The following CADPS2 variants were observed in gnomAD, a reference collection of about 807,000 sequenced individuals.
The protein encoded by CADPS2 is calcium dependent secretion activator 2, also known as calcium-dependent secretion activator 2.
A neutral mutation model predicts 172.5 loss-of-function variants in CADPS2; 93 were observed. The observed-to-expected ratio is 0.54, with a 90% confidence interval of 0.46 to 0.64. CADPS2 has a LOEUF of 0.64. CADPS2 is among the 30% of genes least tolerant of loss of function. CADPS2 has a pLI of 0.00. For missense variants in CADPS2, 1,420 were observed against 1,565.9 expected, an observed-to-expected ratio of 0.91 and a Z score of 1.57; for synonymous variants, 546 against 555.2, an observed-to-expected ratio of 0.98 and a Z score of 0.23.
chr7:122,435,811 G>C (rs947458881), intron 17 of CADPS2, among the ~76,000 whole-genome samples: 1 of 151,974 alleles, frequency 6.6e-6, no homozygotes, highest in African/African-American at 2.4e-5. Context: ...ACATACAATA[G>C]AATATTATTC....
Position 122,659,472 on chromosome 7 carries a change from C to T in CADPS2, c.786+3765G>A, listed in dbSNP as rs553725732. 9.2e-5 allele frequency among the ~76,000 whole-genome samples: 14 copies of T among 152,106 alleles called. No homozygotes were observed. The East Asian group carries it at 1.2e-3, about 13-fold the overall frequency. ...GAGAAAAAGAGTTGAACAAACAGAA[C>T]GGACATCCCAGGACTGTGGGATAAC... On this transcript the variant is annotated intron_variant, in intron 3 of 29. Transcript: ENST00000449022.
At chr7:122,327,991 G>A (rs990094326) in intron 28 of CADPS2, among the ~76,000 whole-genome samples, 3 of 151,920 alleles carry the variant, frequency 2.0e-5, no homozygotes, top group African/African-American at 7.2e-5. Context: ...CTAAGTCAAA[G>A]CATTTTCAAG....
chr7:122,593,961 T>A (rs544997125), intron 6 of CADPS2, among the ~76,000 whole-genome samples: 3 of 152,090 alleles, frequency 2.0e-5, no homozygotes, highest in Non-Finnish European at 4.4e-5. Flanking sequence ...TTAACCTTCC[T>A]TTAAAACATA....
At chr7:122,791,357 C>A (rs1028278048) in intron 1 of CADPS2, among the ~76,000 whole-genome samples, 1 of 152,050 alleles carries the variant, frequency 6.6e-6, no homozygotes, top group African/African-American at 2.4e-5. Flanking sequence ...TTAAACCTTG[C>A]TACTCTTTTT....
chr7:122,868,569 C>A (rs1024741781), intron 1 of CADPS2, among the ~76,000 whole-genome samples: 12 of 152,120 alleles, frequency 7.9e-5, no homozygotes, highest in Non-Finnish European at 1.8e-4. Flanking sequence ...AATATAGAAT[C>A]CCTGATTGGA....
At chr7:122,872,032 CCT>C (rs1447085409) in intron 1 of CADPS2, among the ~76,000 whole-genome samples, 6 of 152,018 alleles carry the variant, frequency 3.9e-5, no homozygotes, top group Admixed American at 2.0e-4. Flanking sequence ...AAATCTCTCC[CCT>C]GAGCTCCAAA....
chr7:122,460,239 T>A (rs28538086), intron 14 of CADPS2, among the ~76,000 whole-genome samples: 8,954 of 151,694 alleles, frequency 0.059, 647 homozygotes, highest in African/African-American at 0.17. Flanking sequence ...CAGCTCTTAC[T>A]AGAAAGTAAA....
chr7:122,501,198 T>C (rs2059169952), intron 9 of CADPS2, among the ~76,000 whole-genome samples: 1 of 152,090 alleles, frequency 6.6e-6, no homozygotes, highest in Non-Finnish European at 1.5e-5. Flanking sequence ...AAGGTGGCAG[T>C]GAGTCATGTT....
rs543758108 is a variant in CADPS2 at position 122,720,581 on chromosome 7, T to C, written c.453+16374A>G. Among the ~76,000 whole-genome samples the C allele has an allele frequency of 7.3e-5, 11 of 150,356 alleles. No homozygotes were observed. In the South Asian group the frequency reaches 2.1e-3, roughly 28 times the overall value. On this transcript the variant is annotated intron_variant, in intron 2 of 29. Transcript: ENST00000449022. ...GCATGTGTCTGTATATACATACACA[T>C]GTATATGTATATACATACATATATA...
chr7:122,568,082 T>C (rs980500706), intron 7 of CADPS2, among the ~76,000 whole-genome samples: 7 of 151,766 alleles, frequency 4.6e-5, no homozygotes, highest in East Asian at 1.9e-4. Flanking sequence ...ATGGGAAAAA[T>C]AGAACATGCT....
chr7:122,645,457 A>G lies in CADPS2; in HGVS notation c.787-16129T>C, dbSNP rs1157170694. On this transcript the variant is annotated intron_variant, in intron 3 of 29. Coordinates refer to ENST00000449022, the MANE Select transcript of CADPS2 (RefSeq NM_017954.11). Reference sequence around the variant, plus strand: ...TATGTATATATACACACACATATGTATATATGTGTATATATGTATATATAT... The same window carrying G: ...TATGTATATATACACACACATATGTGTATATGTGTATATATGTATATATAT... 3.9e-3 allele frequency among the ~76,000 whole-genome samples: 380 copies of G among 98,368 alleles called. 8 individuals carry two copies. The highest frequency in any genetic ancestry group is 0.012 in the African/African-American group (364 of 30,584). The allele number at this position is 98,368 out of a possible 152,430, so 64.5% of individuals were successfully genotyped here. A position where few individuals can be genotyped will look rare whatever the true frequency, so the allele number is the denominator to read the frequency against.
chr7:122,367,545 T>TTTTG (rs2041100365), intron 25 of CADPS2, among the ~76,000 whole-genome samples: 1 of 67,352 alleles, frequency 1.5e-5, no homozygotes, highest in South Asian at 5.2e-4. Context: ...CCCAGTTTTT[T>TTTTG]TTTTTTTTTT....
At chr7:122,439,931 C>T (rs1373550730) in intron 16 of CADPS2, among the ~76,000 whole-genome samples, 1 of 151,954 alleles carries the variant, frequency 6.6e-6, no homozygotes, top group Non-Finnish European at 1.5e-5. Flanking sequence ...GGTAATATTT[C>T]ATATTATCTG....
chr7:122,442,081 C>G (rs1473108193), intron 15 of CADPS2, among the ~76,000 whole-genome samples: 1 of 152,124 alleles, frequency 6.6e-6, no homozygotes. Flanking sequence ...ACACATAAAC[C>G]CTCTGCAGTT....
At chr7:122,458,526 T>G (rs2054063142) in intron 14 of CADPS2, among the ~76,000 whole-genome samples, 1 of 152,154 alleles carries the variant, frequency 6.6e-6, no homozygotes, top group African/African-American at 2.4e-5. Context: ...TATGAAAAAA[T>G]ATTTTAAAAG....
chr7:122,389,378 T>C (rs2044096189), intron 22 of CADPS2, among the ~76,000 whole-genome samples: 1 of 152,012 alleles, frequency 6.6e-6, no homozygotes. Context: ...GCTCTGAAGA[T>C]GGAGAAAAAC....
At chr7:122,696,361 T>G (rs17144731) in intron 2 of CADPS2, among the ~76,000 whole-genome samples, 15 of 152,150 alleles carry the variant, frequency 9.9e-5, no homozygotes, top group Non-Finnish European at 1.8e-4. Flanking sequence ...GCTCTTGTGA[T>G]TAACACAAAA....
intron 2 of CADPS2, chr7:122,702,021 G>A: frequency 6.2e-7 from 1 of 1,613,644 alleles, no homozygotes; most frequent in Non-Finnish European, 8.5e-7. Context: ...CCTTCTTTGA[G>A]AACTCGCAGT....
At chr7:122,817,964 C>T (rs1172434940) in intron 1 of CADPS2, among the ~76,000 whole-genome samples, 1 of 148,248 alleles carries the variant, frequency 6.7e-6, no homozygotes, top group African/African-American at 2.5e-5. Context: ...CCCTTTATTT[C>T]CGTGCCCTGA....
Sources: gnomAD v4.1 joint callset for allele counts (sites outside exome capture counted in the v4.1 genomes callset) on GRCh38, gnomAD v4.1.1 for gene constraint, MANE v1.5 for transcripts, NCBI Gene and HGNC (gene_info 2026-07-23, HGNC 2026-07-21) for gene names.